The following PCDHGA10 variants were observed in gnomAD, a reference collection of about 807,000 sequenced individuals.
PCDHGA10 encodes the protein protocadherin gamma-A10.
In PCDHGA10, 42 loss-of-function variants were observed where a neutral mutation model predicts 59.5. The observed-to-expected ratio is 0.71, with a 90% CI of 0.55 to 0.91. The LOEUF is 0.91. PCDHGA10 is among the 40% of genes least tolerant of loss of function. The probability of loss-of-function intolerance (pLI) is 0.00; values close to 1 mark genes in which losing one functional copy is unlikely to be tolerated. For synonymous variants in PCDHGA10, 511 were observed against 517.2 expected, an observed-to-expected ratio of 0.99 and a Z score of 0.16; for missense variants, 1,111 against 1,198.2, an observed-to-expected ratio of 0.93 and a Z score of 1.07.
rs1338955892 is a variant in PCDHGA10, at chr5:141,502,521, T to C, written c.2496-2872T>C. 5.9e-5 allele frequency among the ~76,000 whole-genome samples: 9 copies of C among 152,338 alleles called. No homozygotes were observed. In the East Asian group the frequency reaches 1.7e-3, roughly 29 times the overall value. The stretch of plus-strand genomic sequence containing the variant: ...CGTCGGCCTGTCCCACTATCAGTGA[T>C]GCCGAGTTTGTTCGTGTGGTAAAAA... On this transcript the variant is annotated intron_variant, in intron 2 of 3. Transcript: ENST00000398610.
At chr5:141,462,280 C>T (rs927977920) in intron 1 of PCDHGA10, among the ~76,000 whole-genome samples, 15 of 152,146 alleles carry the variant, frequency 9.9e-5, no homozygotes, top group African/African-American at 3.4e-4. Context: ...TGTTTAGTCA[C>T]CAAATATGTA....
chr5:141,492,320 G>T (rs1001784912), intron 1 of PCDHGA10, among the ~76,000 whole-genome samples: 1 of 152,206 alleles, frequency 6.6e-6, no homozygotes, highest in Non-Finnish European at 1.5e-5. Context: ...CTCCTCGCAC[G>T]TGGGCTTACG....
At position 141,431,496 on chromosome 5, in the gene PCDHGA10, A is replaced by C. The variant is rs1223687647; in HGVS notation, c.2436+15885A>C. On this transcript the variant is annotated intron_variant, in intron 1 of 3. Coordinates refer to ENST00000398610, the MANE Select transcript of PCDHGA10 (RefSeq NM_018913.3). This position sits in a 1 kb window ranked among gnomAD's most constrained non-coding sequence, Gnocchi z 4.8. ...AACGCACCAGCGTTTGCTCAGCCCGAGTACCGCGCGAGCGTTCCGGAGAAT... is the reference window on the plus strand; with the variant it reads ...AACGCACCAGCGTTTGCTCAGCCCGCGTACCGCGCGAGCGTTCCGGAGAAT... 5 of 1,614,020 alleles carry C rather than the reference A, an allele frequency of 3.1e-6. No individual in the cohort carries two copies. The South Asian group carries it at 4.4e-5, about 14-fold the overall frequency.
chr5:141,439,066 G>A (rs1004595196), intron 1 of PCDHGA10, among the ~76,000 whole-genome samples: 2 of 151,258 alleles, frequency 1.3e-5, no homozygotes, highest in African/African-American at 2.4e-5. Context: ...TGTGGCAGGC[G>A]CCTGTAATCC....
At chr5:141,481,913 C>CAAA (rs34114744) in intron 1 of PCDHGA10, among the ~76,000 whole-genome samples, 3 of 90,796 alleles carry the variant, frequency 3.3e-5, no homozygotes, top group Non-Finnish European at 4.4e-5. Flanking sequence ...AACTCCATCT[C>CAAA]AAAAAAAAAA....
At chr5:141,429,845 T>C (rs888160645) in intron 1 of PCDHGA10, among the ~76,000 whole-genome samples, 4 of 152,222 alleles carry the variant, frequency 2.6e-5, no homozygotes, top group Non-Finnish European at 1.5e-5. Context: ...GGTAAGTCTG[T>C]AACATTCTTT....
intron 2 of PCDHGA10, among the ~76,000 whole-genome samples, chr5:141,499,689 C>CTTTTTTT (rs545067566): frequency 3.3e-5 from 4 of 119,856 alleles, no homozygotes; most frequent in Admixed American, 8.7e-5. Context: ...TAACAGATGA[C>CTTTTTTT]TTTTTTTTTT....
intron 1 of PCDHGA10, among the ~76,000 whole-genome samples, chr5:141,460,983 GTATATA>G (rs59296681): frequency 0.23 from 32,081 of 137,558 alleles, 4,351 homozygotes; most frequent in African/African-American, 0.39. Context: ...GTGTGTGTGT[GTATATA>G]TATATATGTG....
intron 1 of PCDHGA10, among the ~76,000 whole-genome samples, chr5:141,420,710 G>A (rs2096519301): frequency 6.6e-6 from 1 of 152,186 alleles, no homozygotes; most frequent in South Asian, 2.1e-4. Flanking sequence ...TTCCAGAAAT[G>A]TCGTTCCTTT....
chr5:141,503,547 C>T (rs545918096), intron 2 of PCDHGA10, among the ~76,000 whole-genome samples: 22 of 147,734 alleles, frequency 1.5e-4, no homozygotes, highest in African/African-American at 4.8e-4. Flanking sequence ...TGCAGTGAGC[C>T]GAGATCGCGC....
intron 1 of PCDHGA10, chr5:141,421,355 G>C (rs1561793348): frequency 6.2e-7 from 1 of 1,613,990 alleles, no homozygotes. Flanking sequence ...ACCGAAAAGG[G>C]CTCCTTCGTG....
rs369227893 is a variant in PCDHGA10, at chr5:141,419,063, T to A, written c.2436+3452T>A. 47 of 1,613,840 alleles carry A rather than the reference T, an allele frequency of 2.9e-5. No homozygotes were observed. The highest frequency in any genetic ancestry group is 4.0e-5 in the Non-Finnish European group (47 of 1,179,904). On this transcript the variant is annotated intron_variant, in intron 1 of 3. Coordinates refer to ENST00000398610, the MANE Select transcript of PCDHGA10 (RefSeq NM_018913.3). ...GATTCATTCTTCTTCTAATAATTACTACAAGCTAGTAACAGATGAGGCCCT... is the reference window on the plus strand; with the variant it reads ...GATTCATTCTTCTTCTAATAATTACAACAAGCTAGTAACAGATGAGGCCCT...
intron 2 of PCDHGA10, among the ~76,000 whole-genome samples, chr5:141,504,036 G>T (rs1472706342): frequency 6.6e-6 from 1 of 152,080 alleles, no homozygotes; most frequent in African/African-American, 2.4e-5. Flanking sequence ...ACTCATTTAG[G>T]CAACAAATAT....
chr5:141,435,910 G>T (rs1296707748), intron 1 of PCDHGA10, among the ~76,000 whole-genome samples: 2 of 152,112 alleles, frequency 1.3e-5, no homozygotes, highest in Non-Finnish European at 2.9e-5. Flanking sequence ...ACATCCAAGG[G>T]CTCTAAAATG....
Position 141,501,290 on chromosome 5 carries a change from TACACACACACACAC to T in PCDHGA10, c.2496-4072_2496-4059del, listed in dbSNP as rs55762287. ...GTCCAGTCTATGGGATATTCCCTTA[TACACACACACACAC>T]ACACACACACACACACACACACACA... On this transcript the variant is annotated intron_variant, in intron 2 of 3. Transcript: ENST00000398610. Among the ~76,000 whole-genome samples, 10 of 136,248 alleles carry T rather than the reference TACACACACACACAC, an allele frequency of 7.3e-5. No homozygotes were observed. In the South Asian group the frequency reaches 1.2e-3, roughly 16 times the overall value. 89.4% of individuals were successfully genotyped at this position (136,248 alleles called of 152,430 possible).
At chr5:141,480,198 G>A (rs1280951298) in intron 1 of PCDHGA10, among the ~76,000 whole-genome samples, 2 of 150,780 alleles carry the variant, frequency 1.3e-5, no homozygotes, top group African/African-American at 4.9e-5. Flanking sequence ...GAGGCCAGCA[G>A]TTCAAGACCA....
intron 1 of PCDHGA10, among the ~76,000 whole-genome samples, chr5:141,450,061 C>A (rs1219642208): frequency 7.2e-6 from 1 of 139,334 alleles, no homozygotes; most frequent in Non-Finnish European, 1.5e-5. Context: ...GGCTGGAATG[C>A]AGTGGTATGA....
intron 1 of PCDHGA10, among the ~76,000 whole-genome samples, chr5:141,466,540 G>T (rs1302720337): frequency 6.6e-6 from 1 of 152,094 alleles, no homozygotes; most frequent in Non-Finnish European, 1.5e-5. Context: ...GATGTAGATG[G>T]TCTTTTGCTG....
intron 1 of PCDHGA10, among the ~76,000 whole-genome samples, chr5:141,449,391 G>A (rs1020753910): frequency 1.3e-5 from 2 of 151,876 alleles, no homozygotes; most frequent in Non-Finnish European, 2.9e-5. Context: ...TGGATTACTT[G>A]AGGCCAGGAG....
Sources: allele counts gnomAD v4.1 joint callset (sites outside exome capture counted in the v4.1 genomes callset), GRCh38; gene constraint gnomAD v4.1.1; non-coding constraint Gnocchi (gnomAD v3.1); transcripts MANE v1.5; gene names NCBI Gene and HGNC (gene_info 2026-07-23, HGNC 2026-07-21).